Variants in DNM3 observed in about 807,000 individuals in gnomAD.
The protein encoded by DNM3 is dynamin-3.
In DNM3, 47 loss-of-function variants were observed where a neutral mutation model predicts 101.6. That is an observed-to-expected ratio of 0.46 (90% CI 0.37 to 0.59). The LOEUF (loss-of-function observed/expected upper bound fraction) is 0.59, where lower values mean the gene tolerates loss of function less well. Ranked by LOEUF, DNM3 falls within the 20% of genes least tolerant of loss-of-function variation. The pLI, the probability that DNM3 is intolerant of heterozygous loss-of-function variation, is 0.00. For synonymous variants in DNM3, 385 were observed against 387.9 expected (o/e 0.99, Z 0.09); for missense variants, 849 against 1,085.7 (o/e 0.78, Z 3.06).
At chr1:172,159,204 G>GA (rs1416451077) in intron 14 of DNM3, among the ~76,000 whole-genome samples, 1 of 151,936 alleles carries the variant, frequency 6.6e-6, no homozygotes, top group Admixed American at 6.6e-5. Context: ...TATGGTTGGA[G>GA]AAAAAAGCCG....
chr1:172,025,894 C>T (rs948907037), intron 4 of DNM3, among the ~76,000 whole-genome samples: 1 of 152,120 alleles, frequency 6.6e-6, no homozygotes, highest in Non-Finnish European at 1.5e-5. Context: ...CAGAATGTCT[C>T]TTCTCCTCCA....
At chr1:171,943,141 G>T (rs1195136952) in intron 2 of DNM3, among the ~76,000 whole-genome samples, 1 of 151,900 alleles carries the variant, frequency 6.6e-6, no homozygotes, top group Admixed American at 6.6e-5. Flanking sequence ...AATAAAAAAA[G>T]AAAAAGAAAA....
chr1:172,157,153 C>G (rs1318267360), intron 14 of DNM3, among the ~76,000 whole-genome samples: 1 of 152,024 alleles, frequency 6.6e-6, no homozygotes, highest in Non-Finnish European at 1.5e-5. Flanking sequence ...AGGGGGAACC[C>G]TGAGCTTGTT....
chr1:171,902,601 G>C (rs2038456455), intron 1 of DNM3, among the ~76,000 whole-genome samples: 1 of 150,394 alleles, frequency 6.6e-6, no homozygotes, highest in African/African-American at 2.4e-5. Flanking sequence ...TTTTTTAATT[G>C]ATCAAAGGCT....
chr1:172,206,402 A>G (rs2060323194), intron 14 of DNM3, among the ~76,000 whole-genome samples: 1 of 152,178 alleles, frequency 6.6e-6, no homozygotes, highest in African/African-American at 2.4e-5. Flanking sequence ...GAAGCAGAAG[A>G]AATGTTTTAT....
intron 12 of DNM3, among the ~76,000 whole-genome samples, chr1:172,091,378 G>C (rs914436938): frequency 2.0e-5 from 3 of 152,138 alleles, no homozygotes; most frequent in African/African-American, 7.2e-5. Context: ...AATCAAACAG[G>C]GTAAAGGGGA....
At chr1:172,354,955 G>T (rs2067375837) in intron 17 of DNM3, among the ~76,000 whole-genome samples, 1 of 152,138 alleles carries the variant, frequency 6.6e-6, no homozygotes, top group South Asian at 2.1e-4. Context: ...GCCGTTAAAA[G>T]GAGAAAATGA....
chr1:171,976,398 G>A (rs1205204039), intron 2 of DNM3, among the ~76,000 whole-genome samples: 1 of 152,206 alleles, frequency 6.6e-6, no homozygotes, highest in Non-Finnish European at 1.5e-5. Context: ...AGGTGAATGA[G>A]GAGAAAAGTC....
chr1:171,889,913 AC>A (rs1450296208), intron 1 of DNM3, among the ~76,000 whole-genome samples: 1 of 152,212 alleles, frequency 6.6e-6, no homozygotes, highest in African/African-American at 2.4e-5. Flanking sequence ...AGTATAGCTG[AC>A]ATGCTTACAT....
chr1:172,081,726 C>A, intron 11 of DNM3, 106 bp from the exon 12 acceptor site: 8 of 873,726 alleles, frequency 9.2e-6, no homozygotes, highest in South Asian at 5.7e-5. Context: ...TTGAAGTATC[C>A]TTTAAAAAAT....
rs377420506 is a variant in DNM3 at position 172,202,642 on chromosome 1, T to A, written c.1660-50931T>A. ...CGCGGTAACTGGACATTTCAACCAA[T>A]GTTGACTGAAATGAACTGAATTTCT... On this transcript the variant is annotated intron_variant, in intron 14 of 20. Transcript: ENST00000627582. Among the ~76,000 whole-genome samples the A allele has an allele frequency of 4.3e-4, 66 of 152,300 alleles. No homozygotes were observed. The East Asian group carries it at 8.9e-3, about 20-fold the overall frequency.
At chr1:171,931,990 CCCTCCCTTCCTTCCTT>C (rs2041045695) in intron 2 of DNM3, among the ~76,000 whole-genome samples, 1 of 109,002 alleles carries the variant, frequency 9.2e-6, no homozygotes, top group Non-Finnish European at 1.9e-5. Flanking sequence ...TTCCCTCCCT[CCCTCCCTTCCTTCCTT>C]CCTCCCTCCC....
At chr1:172,336,074 G>T (rs1052290755) in intron 17 of DNM3, among the ~76,000 whole-genome samples, 9 of 152,252 alleles carry the variant, frequency 5.9e-5, no homozygotes, top group African/African-American at 2.2e-4. Context: ...TCACAGCCGG[G>T]TTGGGGGTGC....
At chr1:172,302,071 G>T (rs12067341) in intron 15 of DNM3, among the ~76,000 whole-genome samples, 1,636 of 152,264 alleles carry the variant, frequency 0.011, 30 homozygotes, top group African/African-American at 0.036. Flanking sequence ...CCAAAGCAGG[G>T]TAGGGCATCA....
At chr1:172,322,491 T>C (rs962481856) in intron 16 of DNM3, among the ~76,000 whole-genome samples, 4 of 152,234 alleles carry the variant, frequency 2.6e-5, no homozygotes, top group Non-Finnish European at 5.9e-5. Flanking sequence ...TTAAATTGTT[T>C]GATATAAATC....
At position 172,032,389 on chromosome 1, in the gene DNM3, GT is replaced by G; in HGVS notation, c.590-10del. 6.2e-7 allele frequency: 1 copy of G among 1,601,446 alleles called. No homozygotes were observed. The highest frequency in any genetic ancestry group is 8.5e-7 in the Non-Finnish European group (1 of 1,169,616). ...CTGCAAATTGTGTAATGTTGGGTTTGTTTATGATGCAGGTCTGAGAACCATT... is the reference window on the plus strand; with the variant it reads ...CTGCAAATTGTGTAATGTTGGGTTTGTTATGATGCAGGTCTGAGAACCATT... On this transcript the variant is annotated splice_polypyrimidine_tract_variant and intron_variant, in intron 4 of 20. Transcript: ENST00000627582.
At position 172,101,198 on chromosome 1, in the gene DNM3, T is replaced by G. The variant is rs149290683; in HGVS notation, c.1545+8323T>G. Among the ~76,000 whole-genome samples, 10 of 152,352 alleles carry G rather than the reference T, an allele frequency of 6.6e-5. No homozygotes were observed. The East Asian group carries it at 1.9e-3, about 29-fold the overall frequency. On this transcript the variant is annotated intron_variant, in intron 13 of 20. Coordinates refer to ENST00000627582, the MANE Select transcript of DNM3 (RefSeq NM_015569.5). ...TATTTGTCTTCAGAACAATCTAATT[T>G]GGATACTAGGATTTTTGTGTATGTT...
chr1:171,956,212 G>A (rs1283029066), intron 2 of DNM3, among the ~76,000 whole-genome samples: 9 of 152,084 alleles, frequency 5.9e-5, no homozygotes, highest in South Asian at 2.1e-4. Context: ...GTCCACAGTC[G>A]AAAGTCTCAT....
At chr1:171,911,760 T>C (rs2039327700) in intron 1 of DNM3, among the ~76,000 whole-genome samples, 1 of 151,894 alleles carries the variant, frequency 6.6e-6, no homozygotes, top group African/African-American at 2.4e-5. Context: ...AGGGGAGGGG[T>C]TGACGTGAGC....
Sources: gnomAD v4.1 joint callset for allele counts (sites outside exome capture counted in the v4.1 genomes callset) on GRCh38, gnomAD v4.1.1 for gene constraint, MANE v1.5 for transcripts, NCBI Gene and HGNC (gene_info 2026-07-23, HGNC 2026-07-21) for gene names.